TULP4: variants seen among roughly 807,000 people sequenced by gnomAD.
TULP4 encodes tubby-related protein 4.
TULP4 carries 16 observed loss-of-function variants against 129.0 expected under a neutral mutation model. The ratio of observed to expected loss-of-function variants is 0.12; its 90% CI spans 0.08 to 0.19. The LOEUF is 0.19. TULP4 is among the 10% of genes least tolerant of loss of function. The pLI is 1.00. For synonymous variants in TULP4, 998 were observed against 854.0 expected, an observed-to-expected ratio of 1.17 and a Z score of -2.94; for missense variants, 1,842 against 2,059.1, an observed-to-expected ratio of 0.89 and a Z score of 2.04.
At chr6:158,371,419 CAT>C (rs1311966192) in intron 1 of TULP4, among the ~76,000 whole-genome samples, 1 of 152,130 alleles carries the variant, frequency 6.6e-6, no homozygotes, top group African/African-American at 2.4e-5. Context: ...TAGTTTCTGT[CAT>C]ATGTGTTAGA....
intron 1 of TULP4, among the ~76,000 whole-genome samples, chr6:158,321,104 A>G (rs538851706): frequency 1.3e-5 from 2 of 152,026 alleles, no homozygotes; most frequent in Non-Finnish European, 2.9e-5. Context: ...TTCTTTCCTT[A>G]TTCTACTGAA....
intron 1 of TULP4, among the ~76,000 whole-genome samples, chr6:158,269,367 G>C (rs1778505377): frequency 7.6e-6 from 1 of 132,206 alleles, no homozygotes; most frequent in Non-Finnish European, 1.6e-5. Context: ...TTGAACTTTA[G>C]TTTCAGCATT....
chr6:158,347,392 G>T (rs1202459266), intron 1 of TULP4, among the ~76,000 whole-genome samples: 1 of 152,134 alleles, frequency 6.6e-6, no homozygotes. Flanking sequence ...CTACTGCTAA[G>T]CCTGGTCTAA....
chr6:158,467,290 T>C (rs977812440), intron 6 of TULP4, among the ~76,000 whole-genome samples: 7 of 113,480 alleles, frequency 6.2e-5, no homozygotes, highest in Admixed American at 2.6e-4. Flanking sequence ...TTTTTTTTTT[T>C]TTTTTTTGGA....
chr6:158,412,943 GC>G (rs1702084201), intron 1 of TULP4, 121 bp from the exon 2 acceptor site: 4 of 1,355,998 alleles, frequency 2.9e-6, no homozygotes, highest in Non-Finnish European at 3.9e-6. Flanking sequence ...CCCTGCATTC[GC>G]CCCCAGTCTT....
chr6:158,504,229 G>T, intron 13 of TULP4, 51 bp downstream of exon 13: 1 of 1,417,186 alleles, frequency 7.1e-7, no homozygotes, highest in Admixed American at 2.6e-5. Flanking sequence ...GAGGGTTTCA[G>T]TGCTTCGGCC....
chr6:158,252,224 G>A (rs962166387), intron 1 of TULP4, among the ~76,000 whole-genome samples: 1 of 151,832 alleles, frequency 6.6e-6, no homozygotes, highest in Non-Finnish European at 1.5e-5. Flanking sequence ...ATATTTTGAT[G>A]TGTAAAAGTT....
chr6:158,395,655 G>A (rs1250256513), intron 1 of TULP4, among the ~76,000 whole-genome samples: 1 of 76,390 alleles, frequency 1.3e-5, no homozygotes, highest in East Asian at 4.2e-4. Flanking sequence ...TGGCCCTGAG[G>A]TAAAGTGATG....
chr6:158,471,346 A>G (rs1779678075), intron 6 of TULP4, among the ~76,000 whole-genome samples: 1 of 152,254 alleles, frequency 6.6e-6, no homozygotes, highest in Non-Finnish European at 1.5e-5. Context: ...TAGAGTCAGT[A>G]GTACCGATTG....
intron 1 of TULP4, among the ~76,000 whole-genome samples, chr6:158,245,408 A>G (rs1778009996): frequency 6.6e-6 from 1 of 151,136 alleles, no homozygotes; most frequent in Non-Finnish European, 1.5e-5. Flanking sequence ...TTATTTGGGC[A>G]TCTCCTGGTG....
At chr6:158,487,339 C>A (rs1361326252) in intron 8 of TULP4, among the ~76,000 whole-genome samples, 1 of 152,156 alleles carries the variant, frequency 6.6e-6, no homozygotes, top group Admixed American at 6.5e-5. Flanking sequence ...ACTCAGGAGG[C>A]TGAGGCAGGA....
intron 7 of TULP4, among the ~76,000 whole-genome samples, chr6:158,480,240 G>T (rs945397806): frequency 6.6e-6 from 1 of 152,224 alleles, no homozygotes; most frequent in Non-Finnish European, 1.5e-5. Flanking sequence ...ATGATCAAAG[G>T]AGTGACCATT....
rs1396304189 is a variant in TULP4, at chr6:158,494,792, A to C, written c.1816A>C (p.Thr606Pro). 6.2e-7 allele frequency: 1 copy of C among 1,613,992 alleles called. No homozygotes were observed. The highest frequency in any genetic ancestry group is 8.5e-7 in the Non-Finnish European group (1 of 1,180,020). ...LAQVTSNIWG[T>P]KFKIVGLAAF... ...TCAGGTCACGTCTAATATCTGGGGA[A>C]CCAAATTTAAGATTGTGGGCTTGGC... The change falls in exon 11 of 14, where the codon ACC (threonine) becomes CCC (proline). Residue 606 changes from threonine (T) to proline (P), a missense_variant. By Grantham distance (38) the Thr-to-Pro change is conservative. This residue lies in a region of TULP4 where 99 missense variants were observed against 165.1 expected (regional missense o/e 0.60). Transcript: ENST00000367097.
intron 1 of TULP4, among the ~76,000 whole-genome samples, chr6:158,247,253 C>G (rs969811012): frequency 6.6e-6 from 1 of 151,936 alleles, no homozygotes; most frequent in Admixed American, 6.6e-5. Context: ...CTTGTAGAGT[C>G]TAATCTATTA....
chr6:158,324,581 A>G (rs1013943492), intron 1 of TULP4, among the ~76,000 whole-genome samples: 7 of 152,214 alleles, frequency 4.6e-5, no homozygotes, highest in Non-Finnish European at 7.3e-5. Context: ...TGGATCGTCT[A>G]TCGTGTGTCA....
At chr6:158,490,213 T>C (rs1301739345) in intron 9 of TULP4, among the ~76,000 whole-genome samples, 1 of 152,084 alleles carries the variant, frequency 6.6e-6, no homozygotes, top group Non-Finnish European at 1.5e-5. Context: ...CTGGTCAACA[T>C]GGTGAAACCC....
At chr6:158,262,049 A>G (rs966182750) in intron 1 of TULP4, among the ~76,000 whole-genome samples, 1 of 152,192 alleles carries the variant, frequency 6.6e-6, no homozygotes, top group African/African-American at 2.4e-5. Context: ...TGCTGCCCCA[A>G]ATAAAACCGG....
chr6:158,509,587 T>G lies in TULP4; in HGVS notation c.*2893T>G, dbSNP rs1780685492. 1 of 152,214 alleles carries G rather than the reference T, an allele frequency of 6.6e-6. No homozygotes were observed. Among genetic ancestry groups the G allele is most frequent in the South Asian group, 2.1e-4 (1 of 4,834 alleles). The allele number at this position is 152,214 out of a possible 1,614,324, so 9.4% of individuals were successfully genotyped here. On this transcript the variant is annotated 3_prime_UTR_variant, in exon 14 of 14. Transcript: ENST00000367097. ...TACATGTGAGAAGAAAAAAATGGAT[T>G]TTTTTAGCAAATAATTAACTAAGCT...
chr6:158,501,588 A>G (rs779725362), intron 12 of TULP4, 90 bp from the exon 13 acceptor site: 11 of 1,294,244 alleles, frequency 8.5e-6, no homozygotes, highest in Non-Finnish European at 1.2e-5. Context: ...TTACAGAAGG[A>G]GACTGGATGA....
Sources: gnomAD v4.1 joint callset for allele counts (sites outside exome capture counted in the v4.1 genomes callset) on GRCh38, gnomAD v4.1.1 for gene constraint, gnomAD v4.1.1 regional missense constraint, MANE v1.5 for transcripts, NCBI Gene and HGNC (gene_info 2026-07-23, HGNC 2026-07-21) for gene names.